Variants in HEPH observed in about 807,000 individuals in gnomAD.
HEPH encodes hephaestin.
A neutral mutation model predicts 80.8 loss-of-function variants in HEPH; 69 were observed. The observed-to-expected ratio is 0.85, with a 90% CI of 0.70 to 1.04. HEPH has a LOEUF of 1.04. HEPH is among the 50% of genes least tolerant of loss of function. The probability of loss-of-function intolerance (pLI) is 0.00; values close to 1 mark genes in which losing one functional copy is unlikely to be tolerated. For synonymous variants in HEPH, 431 were observed against 322.8 expected, an observed-to-expected ratio of 1.34 and a Z score of -3.60; for missense variants, 1,115 against 891.3, an observed-to-expected ratio of 1.25 and a Z score of -3.20.
rs1237923962 is a variant in HEPH, at chrX:66,226,571, G to A, written c.2563+18325G>A. ...AGGGAGATTAACCAAGAAAATAAGA[G>A]AATCCAAATAAGCTCAACTAGAAAA... On this transcript the variant is annotated intron_variant, in intron 15 of 20. Coordinates refer to ENST00000343002, the MANE Select transcript of HEPH (RefSeq NM_001367233.3). 9.8e-5 allele frequency among the ~76,000 whole-genome samples: 11 copies of A among 111,747 alleles called. No individual in the cohort carries two copies. In the Admixed American group the frequency reaches 1.0e-3, roughly 11 times the overall value.
rs775581981 is a variant in HEPH at position 66,208,770 on chromosome X, G to A, written c.2563+524G>A. On this transcript the variant is annotated intron_variant, in intron 15 of 20. Coordinates refer to ENST00000343002, the MANE Select transcript of HEPH (RefSeq NM_001367233.3). ...TACTCATTTTCTCAATCCCCGAATAGGCTATGGCTTAGACTTGGCTAATAT... is the reference window on the plus strand; with the variant it reads ...TACTCATTTTCTCAATCCCCGAATAAGCTATGGCTTAGACTTGGCTAATAT... 3.7e-3 allele frequency among the ~76,000 whole-genome samples: 377 copies of A among 102,690 alleles called. 1 individual carries two copies. The highest frequency in any genetic ancestry group is 6.0e-3 in the Non-Finnish European group (305 of 50,513). The allele number at this position is 102,690 out of a possible 115,157, so 89.2% of individuals were successfully genotyped here.
In HEPH at chrX:66,189,899, A is replaced by G; in HGVS notation, c.1024A>G (p.Thr342Ala). 8.4e-7 allele frequency: 1 copy of G among 1,192,017 alleles called. No homozygotes were observed. Among genetic ancestry groups the G allele is most frequent in the Non-Finnish European group, 1.1e-6 (1 of 885,151 alleles). ...TGAGATGGTGCCCTGGGAACCTGGT[A>G]CCTGGTTAATTAGCTGCCAAGTGAA... ...TAEMVPWEPG[T>A]WLISCQVNSH... Residue 342 changes from threonine (T) to alanine (A), a missense_variant, in exon 6 of 21, where the codon ACC becomes GCC. Around this residue, in one of 3 missense-constraint regions of HEPH, gnomAD observed 391 missense variants for 343.6 expected, o/e 1.14. Transcript: ENST00000343002.
intron 15 of HEPH, among the ~76,000 whole-genome samples, chrX:66,231,827 G>A (rs1188088576): frequency 9.3e-6 from 1 of 107,042 alleles, no homozygotes. Context: ...GAATAGGAGT[G>A]GTGAGAGAGG....
intron 15 of HEPH, among the ~76,000 whole-genome samples, chrX:66,230,803 G>A (rs1327542193): frequency 9.8e-6 from 1 of 101,614 alleles, no homozygotes; most frequent in Non-Finnish European, 2.0e-5. Flanking sequence ...TGTCAATTTT[G>A]TCTTTTGTTG....
intron 10 of HEPH, 124 bp from the exon 11 acceptor site, chrX:66,198,754 A>G (rs1401607436): frequency 7.8e-6 from 4 of 515,587 alleles, no homozygotes; most frequent in Admixed American, 3.1e-5. Context: ...GATAGGAGGT[A>G]TGGTCTCAAA....
intron 16 of HEPH, 84 bp downstream of exon 16, chrX:66,255,225 T>TACA: frequency 3.7e-6 from 2 of 534,932 alleles, no homozygotes; most frequent in Non-Finnish European, 6.1e-6. Context: ...AGAAGCTTAC[T>TACA]CCTGAGATTC....
intron 13 of HEPH, among the ~76,000 whole-genome samples, chrX:66,206,025 C>T (rs1166069702): frequency 9.0e-6 from 1 of 110,838 alleles, no homozygotes; most frequent in Admixed American, 9.7e-5. Context: ...ACCTCTGGCA[C>T]CTACCTACCC....
chrX:66,228,149 G>A (rs2089970241), intron 15 of HEPH, among the ~76,000 whole-genome samples: 1 of 111,612 alleles, frequency 9.0e-6, no homozygotes, highest in African/African-American at 3.3e-5. Context: ...CCACATGGCA[G>A]CAGAAAAGAG....
intron 15 of HEPH, among the ~76,000 whole-genome samples, chrX:66,230,775 G>A (rs1265988975): frequency 7.6e-5 from 8 of 105,528 alleles, no homozygotes; most frequent in African/African-American, 2.8e-4. Flanking sequence ...AAGCTCTTGA[G>A]TTTAATTAGA....
In HEPH at chrX:66,172,371, T is replaced by C. The variant is rs2086627931; in HGVS notation, c.184T>C (p.Leu62=). The change falls in exon 3 of 21, where the codon TTA becomes CTA. Residue 62 remains leucine, a synonymous_variant. Coordinates refer to ENST00000343002, the MANE Select transcript of HEPH (RefSeq NM_001367233.3). ...LDSDIVASSF[L]KSDKNRIGGT... is the part of the protein sequence containing the mutation. ...CTTTCCCAGAGTGGCTTCCAGCTTC[T>C]TAAAGTCTGACAAGAACCGGATAGG... is the stretch of plus-strand genomic sequence containing the variant. The C allele has an allele frequency of 8.5e-7, 1 of 1,181,530 alleles. No homozygotes were observed. The highest frequency in any genetic ancestry group is 1.8e-5 in the African/African-American group (1 of 56,155).
At chrX:66,245,095 C>T (rs1475210680) in intron 15 of HEPH, among the ~76,000 whole-genome samples, 8 of 111,270 alleles carry the variant, frequency 7.2e-5, no homozygotes, top group African/African-American at 2.6e-4. Context: ...AACCAGCTAA[C>T]ATCATAAAGA....
At chrX:66,199,930 G>A (rs757308581) in intron 11 of HEPH, among the ~76,000 whole-genome samples, 1 of 108,608 alleles carries the variant, frequency 9.2e-6, no homozygotes, top group Non-Finnish European at 1.9e-5. Flanking sequence ...ACAGGACAAT[G>A]GTGTGTGTGT....
intron 15 of HEPH, among the ~76,000 whole-genome samples, chrX:66,252,623 G>C (rs889063443): frequency 8.1e-5 from 9 of 111,442 alleles, no homozygotes; most frequent in Non-Finnish European, 1.5e-4. Flanking sequence ...GAGAGATTTT[G>C]GAAAGATTAA....
At chrX:66,222,990 T>C (rs886745920) in intron 15 of HEPH, among the ~76,000 whole-genome samples, 1 of 110,938 alleles carries the variant, frequency 9.0e-6, no homozygotes, top group Non-Finnish European at 1.9e-5. Flanking sequence ...AGTCTAGGAG[T>C]CTGGAGGGGG....
intron 4 of HEPH, among the ~76,000 whole-genome samples, chrX:66,178,984 C>T (rs1185345094): frequency 9.0e-6 from 1 of 111,513 alleles, no homozygotes; most frequent in African/African-American, 3.3e-5. Context: ...CTTTTGTTAC[C>T]ATTGCTTTTG....
At position 66,170,588 on chromosome X, in the gene HEPH, C is replaced by T. The variant is rs753469545; in HGVS notation, c.18C>T (p.Leu6=). Residue 6 remains leucine, a synonymous_variant, in exon 2 of 21, where the codon CTC becomes CTT. Coordinates refer to ENST00000343002, the MANE Select transcript of HEPH (RefSeq NM_001367233.3). ...TGTGGGCCATGGAGTCAGGCCACCT[C>T]CTCTGGGCTCTGCTGTTCATGCAGT... MESGH[L]LWALLFMQSL... is the part of the protein sequence containing the mutation. 6.6e-6 allele frequency: 8 copies of T among 1,210,587 alleles called. No homozygotes were observed. The Admixed American group carries it at 1.3e-4, about 20-fold the overall frequency.
intron 15 of HEPH, among the ~76,000 whole-genome samples, chrX:66,215,473 C>T (rs758822231): frequency 8.9e-5 from 10 of 111,838 alleles, no homozygotes; most frequent in African/African-American, 2.9e-4. Flanking sequence ...TGTAAAGTTT[C>T]TCTCTCTTTG....
intron 10 of HEPH, 67 bp from the exon 11 acceptor site, chrX:66,198,811 C>T (rs189175049): frequency 6.0e-5 from 51 of 843,294 alleles, no homozygotes; most frequent in African/African-American, 4.8e-4. Context: ...TGATCTGTAA[C>T]GACACAGTCT....
intron 15 of HEPH, among the ~76,000 whole-genome samples, chrX:66,233,379 G>T (rs1303415013): frequency 3.6e-5 from 4 of 111,390 alleles, no homozygotes. Flanking sequence ...CTTTGTTCAT[G>T]TCTGGTAATG....
Sources: gnomAD v4.1 joint callset for allele counts (sites outside exome capture counted in the v4.1 genomes callset) on GRCh38, gnomAD v4.1.1 for gene constraint, gnomAD v4.1.1 regional missense constraint, MANE v1.5 for transcripts, NCBI Gene and HGNC (gene_info 2026-07-23, HGNC 2026-07-21) for gene names.